Variants in TPH1 observed in about 807,000 individuals in gnomAD.
TPH1 encodes tryptophan hydroxylase 1, also known as tryptophan 5-hydroxylase 1.
Under a neutral mutation model 49.5 loss-of-function variants are expected in TPH1, and 37 were observed. The observed-to-expected ratio is 0.75, with a 90% CI of 0.58 to 0.98. TPH1 has a LOEUF of 0.98. Ranked by LOEUF, TPH1 falls within the 50% of genes least tolerant of loss-of-function variation. The pLI is 0.00. For synonymous variants in TPH1, 160 were observed against 182.1 expected, an observed-to-expected ratio of 0.88 and a Z score of 0.98; for missense variants, 487 against 523.6, an observed-to-expected ratio of 0.93 and a Z score of 0.68.
At chr11:18,024,012 C>T (rs774096118) in intron 8 of TPH1, 29 bp from the exon 9 acceptor site, 108 of 1,499,568 alleles carry the variant, frequency 7.2e-5, no homozygotes, top group Non-Finnish European at 9.5e-5. Flanking sequence ...ATTATTCTCA[C>T]ACACTGACGA....
At chr11:18,043,503 G>A (rs1402629864) in intron 1 of TPH1, among the ~76,000 whole-genome samples, 1 of 152,170 alleles carries the variant, frequency 6.6e-6, no homozygotes, top group Non-Finnish European at 1.5e-5. Flanking sequence ...TACTCGGGAG[G>A]CTGAGGCATG....
intron 2 of TPH1, among the ~76,000 whole-genome samples, chr11:18,040,251 T>C (rs1848086765): frequency 6.7e-6 from 1 of 148,454 alleles, no homozygotes. Flanking sequence ...TTCAGCACTA[T>C]TTTAGAAATG....
chr11:18,032,990 T>C (rs977685021), intron 4 of TPH1, among the ~76,000 whole-genome samples: 22 of 152,096 alleles, frequency 1.4e-4, no homozygotes, highest in African/African-American at 5.1e-4. Flanking sequence ...TGATAGTTTA[T>C]GCCTGTTATC....
intron 2 of TPH1, among the ~76,000 whole-genome samples, chr11:18,039,590 A>G (rs908345709): frequency 6.6e-6 from 1 of 152,214 alleles, no homozygotes; most frequent in African/African-American, 2.4e-5. Context: ...AGGTCCCCCA[A>G]GTTCAATGCT....
Position 18,021,025 on chromosome 11 carries a change from GC to G in TPH1, c.1300del (p.Ala434ProfsTer21), listed in dbSNP as rs1423539815. Reference protein sequence around the residue: ...LQHDLDVVSDALAKVSRKPSI With the variant: ...LQHDLDVVSDXLAKVSRKPSI ...CGGCTTCCTGCTGACCTTAGCAAGGGCATCACTGACAACATCGAGATCATGC... is the reference window on the plus strand; with the variant it reads ...CGGCTTCCTGCTGACCTTAGCAAGGGATCACTGACAACATCGAGATCATGC... On this transcript the variant is annotated frameshift_variant, in exon 11 of 11. Transcript: ENST00000682019. LOFTEE classifies it high-confidence loss of function. The G allele has an allele frequency of 6.2e-7, 1 of 1,613,992 alleles. No individual in the cohort carries two copies. Among genetic ancestry groups the G allele is most frequent in the Non-Finnish European group, 8.5e-7 (1 of 1,179,966 alleles).
intron 3 of TPH1, among the ~76,000 whole-genome samples, chr11:18,033,631 A>C: frequency 6.6e-6 from 1 of 152,206 alleles, no homozygotes; most frequent in East Asian, 1.9e-4. Context: ...ACTGTACTTT[A>C]GAAACAGACT....
rs538774392 is a variant in TPH1 at position 18,034,834 on chromosome 11, C to T, written c.301+1125G>A. Among the ~76,000 whole-genome samples the T allele has an allele frequency of 2.0e-5, 3 of 152,090 alleles. No individual in the cohort carries two copies. In the South Asian group the frequency reaches 6.2e-4, roughly 32 times the overall value. ...ATCTTTGCTACCTGAGTATCTGAAA[C>T]TTCAAAAGGCTTTATTGTTTCCCAT... On this transcript the variant is annotated intron_variant, in intron 3 of 10. Transcript: ENST00000682019.
At chr11:18,024,505 T>G (rs113507676) in intron 8 of TPH1, among the ~76,000 whole-genome samples, 13 of 152,344 alleles carry the variant, frequency 8.5e-5, no homozygotes, top group African/African-American at 3.1e-4. Context: ...ATCAGCTTCA[T>G]GCGGTTATCT....
chr11:18,029,067 G>A (rs1193887335), intron 6 of TPH1, 98 bp downstream of exon 6: 11 of 821,204 alleles, frequency 1.3e-5, no homozygotes, highest in Non-Finnish European at 1.9e-5. Context: ...GCAACAGAAA[G>A]AGAGACTCTG....
intron 1 of TPH1, among the ~76,000 whole-genome samples, chr11:18,042,989 C>A (rs1319993350): frequency 2.0e-5 from 3 of 152,160 alleles, no homozygotes; most frequent in South Asian, 2.1e-4. Context: ...AATAATTCAG[C>A]AGTTTTTTTG....
intron 1 of TPH1, among the ~76,000 whole-genome samples, chr11:18,044,711 T>C (rs1225344210): frequency 1.3e-5 from 2 of 151,840 alleles, no homozygotes; most frequent in African/African-American, 4.8e-5. Context: ...ACTTTTTCCT[T>C]TCCCCTTTCA....
chr11:18,036,187 G>T, intron 2 of TPH1, 45 bp from the exon 3 acceptor site: 1 of 1,458,976 alleles, frequency 6.9e-7, no homozygotes, highest in Middle Eastern at 2.0e-4. Context: ...TGCCTCAAAT[G>T]TTAATAGTCT....
intron 3 of TPH1, among the ~76,000 whole-genome samples, chr11:18,035,432 CTT>C (rs112992467): frequency 7.6e-6 from 1 of 132,000 alleles, no homozygotes; most frequent in Non-Finnish European, 1.6e-5. Flanking sequence ...TCTTTCCTTT[CTT>C]TTTTTTTTTT....
chr11:18,028,628 T>G (rs897931497), intron 6 of TPH1, among the ~76,000 whole-genome samples: 4 of 152,218 alleles, frequency 2.6e-5, no homozygotes, highest in Admixed American at 1.3e-4. Context: ...CAAATCCCCT[T>G]ATAATTCTGC....
At chr11:18,023,755 A>G (rs903599607) in intron 9 of TPH1, 133 bp downstream of exon 9, 2 of 670,308 alleles carry the variant, frequency 3.0e-6, no homozygotes, top group African/African-American at 3.6e-5. Flanking sequence ...AGAGAAAAAT[A>G]CATTCAGGTA....
intron 3 of TPH1, among the ~76,000 whole-genome samples, chr11:18,033,636 C>T (rs1186620893): frequency 6.6e-6 from 1 of 152,094 alleles, no homozygotes; most frequent in Non-Finnish European, 1.5e-5. Flanking sequence ...ACTTTAGAAA[C>T]AGACTGAAAG....
chr11:18,031,139 C>G (rs562009407), intron 4 of TPH1, among the ~76,000 whole-genome samples: 1 of 152,318 alleles, frequency 6.6e-6, no homozygotes, highest in African/African-American at 2.4e-5. Flanking sequence ...CCCTCCTCAG[C>G]TCCTGGCAAC....
In TPH1 at chr11:18,035,956, T is replaced by C. The variant is rs191545167; in HGVS notation, c.301+3A>G. The stretch of plus-strand genomic sequence containing the variant: ...AAGTAGTATTTTCACATTTTGAACT[T>C]ACCATCTTCCTTCAAAGTAAAATTA... On this transcript the variant is annotated splice_donor_region_variant and intron_variant, in intron 3 of 10. Coordinates refer to ENST00000682019, the MANE Select transcript of TPH1 (RefSeq NM_004179.3). 8 of 1,609,372 alleles carry C rather than the reference T, an allele frequency of 5.0e-6. No homozygotes were observed. The African/African-American group carries it at 6.7e-5, about 13-fold the overall frequency.
At chr11:18,045,114 G>A (rs7122118) in intron 1 of TPH1, among the ~76,000 whole-genome samples, 2 of 151,964 alleles carry the variant, frequency 1.3e-5, no homozygotes, top group East Asian at 1.9e-4. Flanking sequence ...TATATTTACC[G>A]GATCTAGGAA....
Sources: allele counts gnomAD v4.1 joint callset (sites outside exome capture counted in the v4.1 genomes callset), GRCh38; gene constraint gnomAD v4.1.1; transcripts MANE v1.5; gene names NCBI Gene and HGNC (gene_info 2026-07-23, HGNC 2026-07-21).